The following DNM2 variants were observed in gnomAD, a reference collection of about 807,000 sequenced individuals.
DNM2 encodes dynamin-2.
A neutral mutation model predicts 99.0 loss-of-function variants in DNM2; 15 were observed. That is an observed-to-expected ratio of 0.15 (90% CI 0.10 to 0.23). DNM2 has a LOEUF of 0.23. Ranked by LOEUF, DNM2 falls within the 10% of genes least tolerant of loss-of-function variation. The pLI, the probability that DNM2 is intolerant of heterozygous loss-of-function variation, is 1.00. For missense variants in DNM2, 742 were observed against 1,189.4 expected (o/e 0.62, Z 5.53); for synonymous variants, 525 against 481.2 (o/e 1.09, Z -1.19).
chr19:10,830,285 G>T lies in DNM2; in HGVS notation c.2450G>T (p.Ser817Ile). 1.3e-5 allele frequency: 21 copies of T among 1,613,876 alleles called. No homozygotes were observed. The highest frequency in any genetic ancestry group is 1.8e-5 in the Non-Finnish European group (21 of 1,179,926). ...ATCCCATCCCGGCCTGGACCCCAGA[G>T]CGTGTTTGCCAACAGTGACCTCTTC... ...PPIPSRPGPQ[S>I]VFANSDLFPA... Residue 817 changes from serine to isoleucine, a missense_variant, in exon 20 of 21, where the codon AGC (serine) becomes ATC (isoleucine). Physicochemically the swap from Ser to Ile is moderately radical, Grantham distance 142. Transcript: ENST00000389253. The surrounding 1 kb of genome is among the most constrained non-coding windows in gnomAD (Gnocchi z 4.8).
At chr19:10,783,527 T>C (rs998744249) in intron 6 of DNM2, among the ~76,000 whole-genome samples, 6 of 152,140 alleles carry the variant, frequency 3.9e-5, no homozygotes, top group Admixed American at 1.3e-4. Context: ...GAAGAGCAGA[T>C]GTTCAGTGAC....
intron 10 of DNM2, among the ~76,000 whole-genome samples, chr19:10,798,087 G>A (rs115012852): frequency 5.3e-5 from 8 of 152,224 alleles, no homozygotes; most frequent in Admixed American, 1.3e-4. Context: ...CCAGATACCC[G>A]CCTTACCATT....
Position 10,825,177 on chromosome 19 carries a change from C to G in DNM2, c.2014C>G (p.Arg672Gly), listed in dbSNP as rs780219649. Reference protein sequence around the residue: ...SYVAIINKSIRDLMPKTIMHL... With the variant: ...SYVAIINKSIGDLMPKTIMHL... ...CGTGGCCATCATCAACAAGTCCATC[C>G]GCGACCTCATGCCAAAGACCATCAT... is the stretch of plus-strand genomic sequence containing the variant. The change falls in exon 18 of 21, where the codon CGC becomes GGC. Residue 672 changes from arginine (R) to glycine (G), a missense_variant. Around this residue, in one of 7 missense-constraint regions of DNM2, gnomAD observed 240 missense variants for 431.3 expected, o/e 0.56. Transcript: ENST00000389253. 1 of 1,614,038 alleles carries G rather than the reference C, an allele frequency of 6.2e-7. No homozygotes were observed. Among genetic ancestry groups the G allele is most frequent in the Non-Finnish European group, 8.5e-7 (1 of 1,180,042 alleles).
Position 10,831,719 on chromosome 19 carries a change from G to A in DNM2, c.*672G>A, listed in dbSNP as rs918643646. 1.0e-6 allele frequency: 1 copy of A among 986,444 alleles called. No individual in the cohort carries two copies. Among genetic ancestry groups the A allele is most frequent in the African/African-American group, 1.7e-5 (1 of 57,358 alleles). The allele number at this position is 986,444 out of a possible 1,614,324, so 61.1% of individuals were successfully genotyped here. On this transcript the variant is annotated 3_prime_UTR_variant, in exon 21 of 21. Coordinates refer to ENST00000389253, the MANE Select transcript of DNM2 (RefSeq NM_001005361.3). The surrounding 1 kb of genome is among the most constrained non-coding windows in gnomAD (Gnocchi z 4.3). Reference sequence around the variant, plus strand: ...CCCAGGGTGGCTGGGCTTGGGCTATGTGGGTGGTGGTGGCGGGGGGTCTTG... The same window carrying A: ...CCCAGGGTGGCTGGGCTTGGGCTATATGGGTGGTGGTGGCGGGGGGTCTTG...
chr19:10,817,413 T>A lies in DNM2; in HGVS notation c.1672-2567T>A, dbSNP rs757084061. The A allele has an allele frequency of 2.0e-6, 1 of 507,646 alleles. No individual in the cohort carries two copies. Among genetic ancestry groups the A allele is most frequent in the Admixed American group, 2.1e-5 (1 of 48,424 alleles). 31.4% of individuals were successfully genotyped at this position (507,646 alleles called of 1,614,324 possible). A position where few individuals can be genotyped will look rare whatever the true frequency, so the allele number is the denominator to read the frequency against. ...TGGGGGGCCTGTCTCGACGAGCCGC[T>A]CACCCAAGCCCAGCCTAACCAATGT... On this transcript the variant is annotated intron_variant, in intron 15 of 20. Coordinates refer to ENST00000389253, the MANE Select transcript of DNM2 (RefSeq NM_001005361.3). This position sits in a 1 kb window ranked among gnomAD's most constrained non-coding sequence, Gnocchi z 4.6.
Position 10,812,096 on chromosome 19 carries a change from G to C in DNM2, c.1558-168G>C, listed in dbSNP as rs755956679. Reference sequence around the variant, plus strand: ...AGGTGGCGCCTCATGTTGGTTTCCTGCTGGAAATGCTTGGGACAGGGTGGA... The same window carrying C: ...AGGTGGCGCCTCATGTTGGTTTCCTCCTGGAAATGCTTGGGACAGGGTGGA... On this transcript the variant is annotated intron_variant, in intron 14 of 20. Coordinates refer to ENST00000389253, the MANE Select transcript of DNM2 (RefSeq NM_001005361.3). This position sits in a 1 kb window ranked among gnomAD's most constrained non-coding sequence, Gnocchi z 4.0. The C allele has an allele frequency of 3.3e-5, 20 of 601,762 alleles. No homozygotes were observed. Among genetic ancestry groups the C allele is most frequent in the Admixed American group, 1.3e-4 (6 of 46,080 alleles). The allele number at this position is 601,762 out of a possible 1,614,324, so 37.3% of individuals were successfully genotyped here.
chr19:10,792,175 T>C (rs1599562691), intron 7 of DNM2, among the ~76,000 whole-genome samples: 1 of 152,178 alleles, frequency 6.6e-6, no homozygotes, highest in East Asian at 1.9e-4. Context: ...GGAAATTAAA[T>C]GTGCACACCC....
At chr19:10,746,135 A>G (rs904330447) in intron 1 of DNM2, among the ~76,000 whole-genome samples, 1 of 151,980 alleles carries the variant, frequency 6.6e-6, no homozygotes. Context: ...ATTTTTCTGT[A>G]TTTTTAGTAG....
chr19:10,781,018 TA>T (rs5827115), intron 5 of DNM2, among the ~76,000 whole-genome samples: 62,515 of 113,962 alleles, frequency 0.55, 16,487 homozygotes, highest in Admixed American at 0.61. Context: ...ACTCTGTCTT[TA>T]AAAAAAAAAA....
At chr19:10,761,678 T>G (rs2070637694) in intron 2 of DNM2, among the ~76,000 whole-genome samples, 1 of 152,204 alleles carries the variant, frequency 6.6e-6, no homozygotes, top group Non-Finnish European at 1.5e-5. Context: ...TTAGCCATGC[T>G]GCCTGCCTTT....
At chr19:10,827,685 C>T (rs1231308306) in intron 18 of DNM2, among the ~76,000 whole-genome samples, 1 of 151,454 alleles carries the variant, frequency 6.6e-6, no homozygotes, top group East Asian at 2.0e-4. Context: ...TCCTGGCCAA[C>T]ATGCTGAAAC....
Position 10,798,336 on chromosome 19 carries a change from C to T in DNM2, c.1336-150C>T. 3.2e-5 allele frequency: 22 copies of T among 677,280 alleles called. No homozygotes were observed. In the South Asian group the frequency reaches 3.5e-4, roughly 11 times the overall value. 42.0% of individuals were successfully genotyped at this position (677,280 alleles called of 1,614,324 possible). ...CTTCTGCTCTTAGCTCCCAGCTGGA[C>T]TCACTGGGGGCCAGGAGCAAGGTGT... On this transcript the variant is annotated intron_variant, in intron 10 of 20. Coordinates refer to ENST00000389253, the MANE Select transcript of DNM2 (RefSeq NM_001005361.3).
intron 1 of DNM2, among the ~76,000 whole-genome samples, chr19:10,752,176 G>A (rs1412546338): frequency 6.6e-6 from 1 of 152,190 alleles, no homozygotes; most frequent in Non-Finnish European, 1.5e-5. Context: ...GGTAACGCCT[G>A]GTACTGTGGC....
chr19:10,750,503 T>C (rs2145809886), intron 1 of DNM2, among the ~76,000 whole-genome samples: 1 of 151,320 alleles, frequency 6.6e-6, no homozygotes, highest in East Asian at 1.9e-4. Flanking sequence ...TAGCCAAGCA[T>C]GGTGACATAT....
At chr19:10,762,524 C>T (rs2070667408) in intron 2 of DNM2, among the ~76,000 whole-genome samples, 1 of 152,104 alleles carries the variant, frequency 6.6e-6, no homozygotes, top group East Asian at 1.9e-4. Context: ...CCTTGTTAGC[C>T]TTAAAGCACA....
chr19:10,755,982 A>G (rs2070368627), intron 1 of DNM2, among the ~76,000 whole-genome samples: 1 of 152,090 alleles, frequency 6.6e-6, no homozygotes, highest in South Asian at 2.1e-4. Flanking sequence ...TGCGTCTCTG[A>G]TGTGCAAGAT....
At position 10,830,212 on chromosome 19, in the gene DNM2, CT is replaced by C. The variant is rs2073289875; in HGVS notation, c.2378del (p.Leu793ArgfsTer122). 1.2e-6 allele frequency: 2 copies of C among 1,613,966 alleles called. No individual in the cohort carries two copies. The highest frequency in any genetic ancestry group is 1.7e-6 in the Non-Finnish European group (2 of 1,179,888). ...AVRGPTPGPP[L>X]IPVPVGAAAS... ...GAGGGGCCCCACTCCAGGGCCCCCC[CT>C]GATTCCTGTTCCCGTGGGGGCAGCA... On this transcript the variant is annotated frameshift_variant, in exon 20 of 21. Transcript: ENST00000389253. LOFTEE classifies it high-confidence loss of function. The surrounding 1 kb of genome is among the most constrained non-coding windows in gnomAD (Gnocchi z 4.8).
intron 15 of DNM2, among the ~76,000 whole-genome samples, chr19:10,814,281 A>G (rs1414113143): frequency 2.0e-5 from 3 of 152,098 alleles, no homozygotes; most frequent in African/African-American, 4.8e-5. Context: ...CCTGACCAAC[A>G]TGGAGAAACC....
chr19:10,771,543 T>C (rs1311943879), intron 2 of DNM2, among the ~76,000 whole-genome samples: 3 of 151,798 alleles, frequency 2.0e-5, no homozygotes, highest in Non-Finnish European at 4.4e-5. Flanking sequence ...CTCTACCTTG[T>C]GGGCTCCTTG....
Sources: gnomAD v4.1 joint callset for allele counts (sites outside exome capture counted in the v4.1 genomes callset) on GRCh38, gnomAD v4.1.1 for gene constraint, gnomAD v4.1.1 regional missense constraint, Gnocchi (gnomAD v3.1) non-coding constraint, MANE v1.5 for transcripts, NCBI Gene and HGNC (gene_info 2026-07-23, HGNC 2026-07-21) for gene names.